The following SEMA6A variants were observed in gnomAD, a reference collection of about 807,000 sequenced individuals.
SEMA6A encodes semaphorin-6A.
SEMA6A carries 25 observed loss-of-function variants against 96.8 expected under a neutral mutation model. That is an observed-to-expected ratio of 0.26 (90% CI 0.19 to 0.36). The LOEUF is 0.36. Among genes scored for constraint, SEMA6A ranks in the 10% least tolerant of loss-of-function variants. The pLI is 1.00. For synonymous variants in SEMA6A, 612 were observed against 518.0 expected (o/e 1.18, Z -2.46); for missense variants, 1,363 against 1,323.1 (o/e 1.03, Z -0.47).
chr5:116,458,253 T>G (rs896825589), intron 18 of SEMA6A, among the ~76,000 whole-genome samples: 4 of 152,192 alleles, frequency 2.6e-5, no homozygotes, highest in African/African-American at 7.2e-5. Context: ...CACAGTGCCG[T>G]TGAACCAATT....
chr5:116,482,617 G>C, intron 10 of SEMA6A, 42 bp from the exon 11 acceptor site: 1 of 1,604,068 alleles, frequency 6.2e-7, no homozygotes, highest in Non-Finnish European at 8.5e-7. Flanking sequence ...TCATGCAATG[G>C]TTATGCATGT....
intron 18 of SEMA6A, among the ~76,000 whole-genome samples, chr5:116,462,662 G>A (rs1317618813): frequency 6.6e-6 from 1 of 152,170 alleles, no homozygotes; most frequent in African/African-American, 2.4e-5. Flanking sequence ...ACAACACTTG[G>A]AGTGACGCAT....
Position 116,447,414 on chromosome 5 carries a change from C to A in SEMA6A, c.2292G>T (p.Leu764=), listed in dbSNP as rs1580432203. 7 of 1,614,058 alleles carry A rather than the reference C, an allele frequency of 4.3e-6. No homozygotes were observed. In the East Asian group the frequency reaches 1.6e-4, roughly 36 times the overall value. The part of the protein sequence containing the change: ...ALPTPESTPT[L]QQKRKPSRGS... ...CGCGGCTGGGCTTCCGCTTCTGCTG[C>A]AGCGTTGGGGTTGACTCTGGGGTGG... The change falls in exon 19 of 19, where the codon CTG becomes CTT. Residue 764 remains leucine, a synonymous_variant. Transcript: ENST00000343348.
chr5:116,502,734 C>T lies in SEMA6A; in HGVS notation c.101-407G>A, dbSNP rs186511363. 9.2e-5 allele frequency: 16 copies of T among 173,050 alleles called. No homozygotes were observed. In the East Asian group the frequency reaches 2.5e-3, roughly 27 times the overall value. 10.7% of individuals were successfully genotyped at this position (173,050 alleles called of 1,614,324 possible). A position where few individuals can be genotyped will look rare whatever the true frequency, so the allele number is the denominator to read the frequency against. ...GTCTCGGGACAAAACTATTTCAAAG[C>T]AGCCTTCCCATCAATCACCACAAAT... is the stretch of plus-strand genomic sequence containing the variant. On this transcript the variant is annotated intron_variant, in intron 2 of 18. Coordinates refer to ENST00000343348, the MANE Select transcript of SEMA6A (RefSeq NM_020796.5).
intron 1 of SEMA6A, among the ~76,000 whole-genome samples, chr5:116,567,458 T>A (rs934168380): frequency 2.6e-5 from 4 of 152,226 alleles, no homozygotes; most frequent in Non-Finnish European, 4.4e-5. Context: ...TCGTAACTAC[T>A]GTTACTCAAG....
intron 1 of SEMA6A, chr5:116,562,663 A>G (rs530001320): frequency 1.4e-6 from 1 of 707,546 alleles, no homozygotes; most frequent in East Asian, 2.9e-5. Context: ...ATATCGTTGC[A>G]CCCTTCAATG....
At chr5:116,487,788 C>T (rs1379319609) in intron 9 of SEMA6A, among the ~76,000 whole-genome samples, 1 of 152,026 alleles carries the variant, frequency 6.6e-6, no homozygotes, top group African/African-American at 2.4e-5. Flanking sequence ...CACTTGAACC[C>T]GGGAGGTAGA....
At chr5:116,464,127 T>C (rs1026913612) in intron 18 of SEMA6A, among the ~76,000 whole-genome samples, 10 of 152,260 alleles carry the variant, frequency 6.6e-5, no homozygotes, top group Admixed American at 2.0e-4. Context: ...GGATTTTCTT[T>C]CTTATTTATA....
chr5:116,475,436 AT>A (rs1756396101), intron 16 of SEMA6A, 108 bp downstream of exon 16: 1 of 640,976 alleles, frequency 1.6e-6, no homozygotes, highest in Admixed American at 3.2e-5. Context: ...TCATTTACGC[AT>A]GCTTTAGTGT....
chr5:116,485,288 CAAACA>C lies in SEMA6A; in HGVS notation c.962+1456_962+1460del, dbSNP rs1226651527. Among the ~76,000 whole-genome samples the C allele has an allele frequency of 2.6e-5, 4 of 152,132 alleles. No individual in the cohort carries two copies. In the East Asian group the frequency reaches 5.8e-4, roughly 22 times the overall value. ...CACACCCTTAAAAAACAAGACAAAACAAACAAAACAAAACAGAAACTAGAAAACTA... is the reference window on the plus strand; with the variant it reads ...CACACCCTTAAAAAACAAGACAAAACAAACAAAACAGAAACTAGAAAACTA... On this transcript the variant is annotated intron_variant, in intron 10 of 18. Coordinates refer to ENST00000343348, the MANE Select transcript of SEMA6A (RefSeq NM_020796.5).
intron 1 of SEMA6A, among the ~76,000 whole-genome samples, chr5:116,528,279 AG>A (rs370028520): frequency 3.3e-5 from 5 of 152,254 alleles, no homozygotes; most frequent in African/African-American, 1.2e-4. Flanking sequence ...ACTTCCAGCC[AG>A]GTTTCTTGCT....
chr5:116,448,619 A>G (rs1420776289), intron 18 of SEMA6A, among the ~76,000 whole-genome samples: 1 of 152,106 alleles, frequency 6.6e-6, no homozygotes, highest in Admixed American at 6.6e-5. Context: ...TGGCCACCGG[A>G]GCCTCCGTCT....
chr5:116,526,182 T>C (rs923005713), intron 1 of SEMA6A, among the ~76,000 whole-genome samples: 10 of 152,124 alleles, frequency 6.6e-5, no homozygotes, highest in Non-Finnish European at 1.3e-4. Flanking sequence ...CCCATGACTA[T>C]GGTTTTTCTT....
At chr5:116,543,111 A>G (rs1760044640) in intron 1 of SEMA6A, among the ~76,000 whole-genome samples, 1 of 152,214 alleles carries the variant, frequency 6.6e-6, no homozygotes, top group Non-Finnish European at 1.5e-5. Context: ...TTTATCTTTC[A>G]ACTACTATGG....
intron 6 of SEMA6A, among the ~76,000 whole-genome samples, chr5:116,493,502 A>T (rs531775464): frequency 3.3e-5 from 5 of 152,262 alleles, no homozygotes; most frequent in South Asian, 2.1e-4. Flanking sequence ...TTTGATTTTT[A>T]AAAAATATTG....
chr5:116,454,503 CCCCGCTAACCACACAGGG>C (rs1317011880), intron 18 of SEMA6A, among the ~76,000 whole-genome samples: 1 of 152,138 alleles, frequency 6.6e-6, no homozygotes, highest in African/African-American at 2.4e-5. Context: ...CCAAGCATCG[CCCCGCTAACCACACAGGG>C]CCCGCTGTAA....
intron 11 of SEMA6A, among the ~76,000 whole-genome samples, chr5:116,481,668 A>G (rs1756779573): frequency 6.6e-6 from 1 of 152,140 alleles, no homozygotes; most frequent in African/African-American, 2.4e-5. Flanking sequence ...TTTCTATGAA[A>G]CTTGGAGTGC....
At chr5:116,542,731 C>G (rs1760025025) in intron 1 of SEMA6A, among the ~76,000 whole-genome samples, 1 of 152,194 alleles carries the variant, frequency 6.6e-6, no homozygotes, top group South Asian at 2.1e-4. Context: ...AAACCCTGGT[C>G]AAGCTAGTTT....
At chr5:116,475,492 TCAC>T in intron 16 of SEMA6A, 50 bp downstream of exon 16, 1 of 1,288,594 alleles carries the variant, frequency 7.8e-7, no homozygotes, top group Non-Finnish European at 1.1e-6. Flanking sequence ...TCTAGGCCAT[TCAC>T]TGAAAGCATC....
Sources: allele counts gnomAD v4.1 joint callset (sites outside exome capture counted in the v4.1 genomes callset), GRCh38; gene constraint gnomAD v4.1.1; transcripts MANE v1.5; gene names NCBI Gene and HGNC (gene_info 2026-07-23, HGNC 2026-07-21).